Variants in ZNF420 observed in about 807,000 individuals in gnomAD.
The protein encoded by ZNF420 is ATM and p53-associated KZNF protein.
In ZNF420, 31 loss-of-function variants were observed where a neutral mutation model predicts 44.7. The observed-to-expected ratio is 0.69, with a 90% CI of 0.52 to 0.94. The LOEUF (loss-of-function observed/expected upper bound fraction) is 0.94, where lower values mean the gene tolerates loss of function less well. Ranked by LOEUF, ZNF420 falls within the 40% of genes least tolerant of loss-of-function variation. The pLI, the probability that ZNF420 is intolerant of heterozygous loss-of-function variation, is 0.00. For synonymous variants in ZNF420, 245 were observed against 267.4 expected (o/e 0.92, Z 0.82); for missense variants, 681 against 827.9 (o/e 0.82, Z 2.18).
At chr19:37,038,561 T>G (rs1967397576) in intron 1 of ZNF420, among the ~76,000 whole-genome samples, 1 of 152,240 alleles carries the variant, frequency 6.6e-6, no homozygotes, top group African/African-American at 2.4e-5. Context: ...TTTGTTGTTC[T>G]TTCAACAATG....
intron 1 of ZNF420, among the ~76,000 whole-genome samples, chr19:37,062,994 T>C (rs1349861854): frequency 6.6e-6 from 1 of 152,250 alleles, no homozygotes; most frequent in Non-Finnish European, 1.5e-5. Context: ...GACGAAATCC[T>C]ATGGAGCTTC....
intron 1 of ZNF420, among the ~76,000 whole-genome samples, chr19:37,033,914 G>A (rs6510579): frequency 0.33 from 49,378 of 151,858 alleles, 8,259 homozygotes; most frequent in Non-Finnish European, 0.35. Context: ...ACAGCACCAC[G>A]CCTGGCTAAT....
At chr19:37,020,061 C>CA (rs1249567685) in intron 1 of ZNF420, among the ~76,000 whole-genome samples, 2 of 151,730 alleles carry the variant, frequency 1.3e-5, no homozygotes, top group Non-Finnish European at 2.9e-5. Context: ...ACTAAAAATA[C>CA]AAAAAATGAG....
At chr19:37,054,543 AAC>A (rs1432305686) in intron 1 of ZNF420, among the ~76,000 whole-genome samples, 1 of 152,232 alleles carries the variant, frequency 6.6e-6, no homozygotes, top group African/African-American at 2.4e-5. Context: ...ATGAAGACAA[AAC>A]CACAGTGACA....
intron 1 of ZNF420, among the ~76,000 whole-genome samples, chr19:37,045,338 AG>A (rs1350856936): frequency 6.6e-6 from 1 of 152,256 alleles, no homozygotes; most frequent in East Asian, 1.9e-4. Flanking sequence ...TGAAGTCAAC[AG>A]GTGTTATTAA....
chr19:37,080,241 G>A (rs904446325), intron 1 of ZNF420, 104 bp from the exon 2 acceptor site: 14 of 152,554 alleles, frequency 9.2e-5, no homozygotes, highest in African/African-American at 3.4e-4. Flanking sequence ...TTTTCTTTAT[G>A]TTAAATGAGA....
At chr19:37,063,826 T>C (rs1306312248) in intron 1 of ZNF420, among the ~76,000 whole-genome samples, 3 of 152,172 alleles carry the variant, frequency 2.0e-5, no homozygotes, top group Admixed American at 6.5e-5. Flanking sequence ...ACCATCGATA[T>C]CAGATTCAAG....
intron 4 of ZNF420, among the ~76,000 whole-genome samples, chr19:37,126,794 C>T (rs1971366962): frequency 6.6e-6 from 1 of 151,586 alleles, no homozygotes; most frequent in Non-Finnish European, 1.5e-5. Flanking sequence ...ATATGAGATC[C>T]TTCTTAGCTA....
At chr19:37,108,727 CTG>C (rs1970228772) in intron 4 of ZNF420, among the ~76,000 whole-genome samples, 1 of 152,038 alleles carries the variant, frequency 6.6e-6, no homozygotes, top group Non-Finnish European at 1.5e-5. Flanking sequence ...GGTAGAAAGA[CTG>C]TAATTTTTTG....
chr19:37,083,451 TTC>T (rs1968584811), intron 2 of ZNF420, among the ~76,000 whole-genome samples: 5 of 152,338 alleles, frequency 3.3e-5, no homozygotes, highest in African/African-American at 1.2e-4. Flanking sequence ...AGATTGGTTT[TTC>T]TCTTATTATT....
intron 1 of ZNF420, among the ~76,000 whole-genome samples, chr19:37,013,114 C>A (rs1599592050): frequency 6.6e-6 from 1 of 152,116 alleles, no homozygotes; most frequent in East Asian, 1.9e-4. Flanking sequence ...GCCTCTTGTC[C>A]AAGATCAAGA....
At chr19:37,028,830 A>AGTGGCAAGGCTAT (rs1423213008) in intron 1 of ZNF420, among the ~76,000 whole-genome samples, 2 of 152,192 alleles carry the variant, frequency 1.3e-5, no homozygotes, top group Non-Finnish European at 1.5e-5. Context: ...ATGTTGAATA[A>AGTGGCAAGGCTAT]GTGGCAAGGC....
chr19:37,119,157 C>T (rs1970872722), intron 4 of ZNF420, among the ~76,000 whole-genome samples: 3 of 151,834 alleles, frequency 2.0e-5, no homozygotes, highest in Non-Finnish European at 1.5e-5. Flanking sequence ...CCCAAATCAA[C>T]AGAATATACA....
At chr19:37,100,526 A>G (rs1227136128) in intron 4 of ZNF420, among the ~76,000 whole-genome samples, 1 of 152,146 alleles carries the variant, frequency 6.6e-6, no homozygotes, top group African/African-American at 2.4e-5. Context: ...CAGCCTGGCC[A>G]ACATGGCGAA....
Position 37,128,767 on chromosome 19 carries a change from T to C in ZNF420, c.1776T>C (p.Cys592=), listed in dbSNP as rs139873003. Reference sequence around the variant, plus strand: ...AAAAACCCTATGAATGCAAGGAGTGTGGCAAGGCCTTTAGTCATGGCTCTC... The same window carrying C: ...AAAAACCCTATGAATGCAAGGAGTGCGGCAAGGCCTTTAGTCATGGCTCTC... ...TGEKPYECKE[C]GKAFSHGSQL... The change falls in exon 5 of 5, where the codon TGT becomes TGC. Residue 592 remains cysteine, a synonymous_variant. Transcript: ENST00000337995. The C allele has an allele frequency of 1.2e-6, 2 of 1,613,806 alleles. No homozygotes were observed. The highest frequency in any genetic ancestry group is 1.7e-6 in the Non-Finnish European group (2 of 1,179,952).
intron 4 of ZNF420, chr19:37,096,072 T>C (rs1218547650): frequency 6.6e-6 from 1 of 152,258 alleles, no homozygotes; most frequent in Admixed American, 6.5e-5. Flanking sequence ...GCTTCTATTG[T>C]TGCTCTTGAG....
At chr19:37,013,074 G>C (rs1194889604) in intron 1 of ZNF420, among the ~76,000 whole-genome samples, 2 of 152,046 alleles carry the variant, frequency 1.3e-5, no homozygotes, top group Admixed American at 1.3e-4. Flanking sequence ...GGGTCCCGCA[G>C]GAGTTGAATT....
At position 37,097,356 on chromosome 19, in the gene ZNF420, T is replaced by C. The variant is rs570429890; in HGVS notation, c.136+6235T>C. Among the ~76,000 whole-genome samples, 3 of 152,306 alleles carry C rather than the reference T, an allele frequency of 2.0e-5. No homozygotes were observed. The East Asian group carries it at 5.8e-4, about 29-fold the overall frequency. ...GAAAATCTTATGGAAATATAGTTTT[T>C]CAGTGGATTATAGTGGATTTCTAGG... On this transcript the variant is annotated intron_variant, in intron 4 of 4. Transcript: ENST00000337995.
intron 4 of ZNF420, among the ~76,000 whole-genome samples, chr19:37,113,381 G>A (rs188706886): frequency 2.0e-5 from 3 of 152,268 alleles, no homozygotes; most frequent in Non-Finnish European, 2.9e-5. Context: ...TTGCTTGAGC[G>A]ATAAGCATAG....
Sources: allele counts gnomAD v4.1 joint callset (sites outside exome capture counted in the v4.1 genomes callset), GRCh38; gene constraint gnomAD v4.1.1; transcripts MANE v1.5; gene names NCBI Gene and HGNC (gene_info 2026-07-23, HGNC 2026-07-21).